Variants in TRIQK observed in about 807,000 individuals in gnomAD.
TRIQK encodes triple QxxK/R motif containing, also known as triple QxxK/R motif-containing protein.
A neutral mutation model predicts 10.8 loss-of-function variants in TRIQK; 10 were observed. The ratio of observed to expected loss-of-function variants is 0.92; its 90% CI spans 0.57 to 1.57. TRIQK has a LOEUF of 1.57. TRIQK is among the 40% of genes most tolerant of loss of function. TRIQK has a pLI of 0.00. For missense variants in TRIQK, 107 were observed against 97.7 expected, an observed-to-expected ratio of 1.09 and a Z score of -0.40; for synonymous variants, 33 against 33.7, an observed-to-expected ratio of 0.98 and a Z score of 0.07.
chr8:92,973,110 A>G (rs867022346), intron 1 of TRIQK: 1 of 152,210 alleles, frequency 6.6e-6, no homozygotes, highest in African/African-American at 2.4e-5. Flanking sequence ...CCTGTTATCA[A>G]AGTCATTTGT....
chr8:92,903,587 G>A (rs964630580), intron 3 of TRIQK, among the ~76,000 whole-genome samples: 1 of 152,054 alleles, frequency 6.6e-6, no homozygotes, highest in Non-Finnish European at 1.5e-5. Flanking sequence ...CAGGCTATAG[G>A]TGCCTGTGAT....
intron 3 of TRIQK, among the ~76,000 whole-genome samples, chr8:92,900,105 T>A (rs1808842914): frequency 6.6e-6 from 1 of 152,166 alleles, no homozygotes; most frequent in Admixed American, 6.6e-5. Context: ...ATTATTAAAT[T>A]TTTTCCTATT....
upstream of TRIQK, among the ~76,000 whole-genome samples, chr8:92,966,980 CAAAAAAAAAA>C (rs10655820): frequency 4.4e-5 from 3 of 68,844 alleles, no homozygotes; most frequent in South Asian, 5.8e-4. Context: ...AAGTAGCATA[CAAAAAAAAAA>C]AAAAAAAAAA....
chr8:92,970,002 T>A (rs1206461801), upstream of TRIQK, among the ~76,000 whole-genome samples: 1 of 152,118 alleles, frequency 6.6e-6, no homozygotes, highest in African/African-American at 2.4e-5. Context: ...GTCCATGTGT[T>A]CTCATTGTTC....
chr8:92,888,585 T>C (rs1010433559), intron 4 of TRIQK, among the ~76,000 whole-genome samples: 1 of 151,512 alleles, frequency 6.6e-6, no homozygotes, highest in Non-Finnish European at 1.5e-5. Context: ...GATGGTAAAA[T>C]TTGAAAATAA....
At chr8:92,911,587 A>T (rs954865839) in intron 3 of TRIQK, among the ~76,000 whole-genome samples, 1 of 151,440 alleles carries the variant, frequency 6.6e-6, no homozygotes, top group Non-Finnish European at 1.5e-5. Context: ...GGAAAAAGAT[A>T]TTCCATGCAA....
chr8:92,894,591 G>T (rs1808494376), intron 3 of TRIQK, among the ~76,000 whole-genome samples: 1 of 152,058 alleles, frequency 6.6e-6, no homozygotes, highest in East Asian at 1.9e-4. Context: ...TATGTGGAGA[G>T]AAAAACTTGG....
At chr8:92,967,622 G>T (rs1299456592), upstream of TRIQK, among the ~76,000 whole-genome samples, 1 of 151,896 alleles carries the variant, frequency 6.6e-6, no homozygotes, top group Non-Finnish European at 1.5e-5. Context: ...AGGAGTTCCA[G>T]ACCAGCCTGG....
At chr8:93,008,995 T>A (rs1019492068) in intron 1 of TRIQK, among the ~76,000 whole-genome samples, 1 of 152,154 alleles carries the variant, frequency 6.6e-6, no homozygotes, top group Non-Finnish European at 1.5e-5. Context: ...GAAAAGCTTC[T>A]GCACAGAAAA....
intron 1 of TRIQK, among the ~76,000 whole-genome samples, chr8:92,957,978 G>T (rs1812259899): frequency 6.6e-6 from 1 of 151,762 alleles, no homozygotes; most frequent in South Asian, 2.1e-4. Context: ...AGAAAGTGTG[G>T]TACAGTATTT....
At chr8:92,999,183 T>C (rs557100037) in intron 1 of TRIQK, among the ~76,000 whole-genome samples, 58 of 152,296 alleles carry the variant, frequency 3.8e-4, no homozygotes, top group African/African-American at 1.3e-3. Flanking sequence ...TAATAAAGTG[T>C]TTACTTGCCC....
chr8:92,937,009 A>G (rs1811022181), intron 2 of TRIQK, among the ~76,000 whole-genome samples: 1 of 151,796 alleles, frequency 6.6e-6, no homozygotes. Context: ...ACCCAGTAAA[A>G]TTAAAGATTA....
intron 1 of TRIQK, among the ~76,000 whole-genome samples, chr8:93,001,448 C>T (rs1197120128): frequency 1.3e-5 from 2 of 151,876 alleles, no homozygotes; most frequent in African/African-American, 2.4e-5. Context: ...AAAAGATATT[C>T]GATGCAAATA....
chr8:92,903,390 C>T lies in TRIQK; in HGVS notation c.62-11316G>A, dbSNP rs564152826. Among the ~76,000 whole-genome samples the T allele has an allele frequency of 4.6e-5, 7 of 151,782 alleles. No homozygotes were observed. In the South Asian group the frequency reaches 6.2e-4, roughly 13 times the overall value. On this transcript the variant is annotated intron_variant, in intron 3 of 4. Transcript: ENST00000521988. ...ATGTCTACATATAAAGAATTATACA[C>T]GTGAATATACTATTGTAGCACAGGT...
At chr8:93,016,827 G>C (rs1169221500) in intron 1 of TRIQK, among the ~76,000 whole-genome samples, 2 of 151,934 alleles carry the variant, frequency 1.3e-5, no homozygotes, top group Non-Finnish European at 2.9e-5. Flanking sequence ...CAGGAGGTGG[G>C]GTACAGCTAA....
At chr8:92,983,412 G>T (rs1027117821) in intron 1 of TRIQK, among the ~76,000 whole-genome samples, 18 of 152,044 alleles carry the variant, frequency 1.2e-4, no homozygotes, top group Non-Finnish European at 2.1e-4. Flanking sequence ...TCAGTAGAAT[G>T]CAAGTAGGCA....
At chr8:92,991,371 A>C (rs145953592) in intron 1 of TRIQK, among the ~76,000 whole-genome samples, 15,344 of 152,210 alleles carry the variant, frequency 0.1, 1,808 homozygotes, top group African/African-American at 0.28. Flanking sequence ...TGAAGAGAGC[A>C]GTGGATCTCC....
intron 2 of TRIQK, among the ~76,000 whole-genome samples, chr8:92,918,382 A>C (rs1809981679): frequency 6.6e-6 from 1 of 151,608 alleles, no homozygotes; most frequent in Non-Finnish European, 1.5e-5. Flanking sequence ...CCCCACCAAC[A>C]CTTGTTATTT....
At chr8:92,940,565 G>T (rs1018767708) in intron 2 of TRIQK, among the ~76,000 whole-genome samples, 1 of 152,096 alleles carries the variant, frequency 6.6e-6, no homozygotes, top group African/African-American at 2.4e-5. Context: ...GACTTGTCCA[G>T]CAAAAGGATT....
Sources: allele counts gnomAD v4.1 joint callset (sites outside exome capture counted in the v4.1 genomes callset), GRCh38; gene constraint gnomAD v4.1.1; transcripts MANE v1.5; gene names NCBI Gene and HGNC (gene_info 2026-07-23, HGNC 2026-07-21).